Variants in GOLGA8A observed in about 807,000 individuals in gnomAD.
GOLGA8A encodes golgin A8 family member A, also known as golgin subfamily A member 8A.
GOLGA8A carries 3 observed loss-of-function variants against 22.1 expected under a neutral mutation model. The observed-to-expected ratio is 0.14, with a 90% CI of 0.06 to 0.35. The LOEUF (loss-of-function observed/expected upper bound fraction) is 0.35, where lower values mean the gene tolerates loss of function less well. Ranked by LOEUF, GOLGA8A falls within the 10% of genes least tolerant of loss-of-function variation. GOLGA8A has a pLI of 1.00. For missense variants in GOLGA8A, 16 were observed against 233.2 expected (o/e 0.07, Z 6.07); for synonymous variants, 7 against 91.7 (o/e 0.08, Z 5.28).
chr15:34,433,090 A>G lies in GOLGA8A; in HGVS notation c.-1123+2293T>C, dbSNP rs373346002. ...GCCAGGCTGGAACTGAGCTCCTGTTACTCCAAATCCCATCCTCTTTTCTGA... is the reference window on the plus strand; with the variant it reads ...GCCAGGCTGGAACTGAGCTCCTGTTGCTCCAAATCCCATCCTCTTTTCTGA... On this transcript the variant is annotated intron_variant, in intron 2 of 24. Transcript: ENST00000359187. 1.3e-4 allele frequency among the ~76,000 whole-genome samples: 20 copies of G among 148,810 alleles called. 1 individual carries two copies. Among genetic ancestry groups the G allele is most frequent in the South Asian group, 1.3e-3 (6 of 4,622 alleles).
intron 2 of GOLGA8A, among the ~76,000 whole-genome samples, chr15:34,426,728 G>A (rs201947054): frequency 1.4e-5 from 2 of 143,868 alleles, no homozygotes; most frequent in East Asian, 4.3e-4. Flanking sequence ...AGATAATTGC[G>A]AGAAGGCAAA....
chr15:34,380,163 G>A lies in GOLGA8A; in HGVS notation c.*1248C>T, dbSNP rs1486798043. The A allele has an allele frequency of 1.3e-5, 2 of 152,366 alleles. No individual in the cohort carries two copies. The highest frequency in any genetic ancestry group is 2.9e-5 in the Non-Finnish European group (2 of 68,024). 9.4% of individuals were successfully genotyped at this position (152,366 alleles called of 1,614,324 possible). On this transcript the variant is annotated 3_prime_UTR_variant, in exon 25 of 25. Transcript: ENST00000359187. ...ATAATGTTTGTTATTACTTTCTAAA[G>A]TGTTTTCCACTCAAGGAAAAGAAGT...
intron 2 of GOLGA8A, among the ~76,000 whole-genome samples, chr15:34,432,413 C>G (rs1893298446): frequency 6.7e-6 from 1 of 148,984 alleles, no homozygotes; most frequent in African/African-American, 2.5e-5. Flanking sequence ...CTCTCCAGCT[C>G]AGACTCAAAG....
intron 2 of GOLGA8A, chr15:34,417,813 A>G (rs1892634715): frequency 1.4e-5 from 2 of 147,412 alleles, no homozygotes; most frequent in South Asian, 4.7e-4. Context: ...GTAATTTTCA[A>G]CTGAAGGAGA....
chr15:34,429,791 T>C (rs79330991), intron 2 of GOLGA8A, among the ~76,000 whole-genome samples: 10 of 147,382 alleles, frequency 6.8e-5, no homozygotes, highest in Admixed American at 2.8e-4. Flanking sequence ...GGGTACCTGC[T>C]CCCGGTTGTA....
intron 2 of GOLGA8A, among the ~76,000 whole-genome samples, chr15:34,431,345 A>ATATCTC (rs1893242853): frequency 7.7e-6 from 1 of 130,486 alleles, no homozygotes; most frequent in African/African-American, 3.1e-5. Context: ...ATATATATAT[A>ATATCTC]TCTCACACAC....
Position 34,379,375 on chromosome 15 carries a change from CTCTT to C in GOLGA8A, c.*2032_*2035del, listed in dbSNP as rs1350412583. The C allele has an allele frequency of 1.4e-4, 21 of 152,538 alleles. No individual in the cohort carries two copies. The highest frequency in any genetic ancestry group is 4.6e-4 in the African/African-American group (19 of 41,538). 9.4% of individuals were successfully genotyped at this position (152,538 alleles called of 1,614,324 possible). A position where few individuals can be genotyped will look rare whatever the true frequency, so the allele number is the denominator to read the frequency against. On this transcript the variant is annotated 3_prime_UTR_variant, in exon 25 of 25. Transcript: ENST00000359187. ...TAATATTTATATTATTTTAAAATGA[CTCTT>C]TAAGATACAGTTTTAAACCCATGGG...
rs187840524 is a variant in GOLGA8A at position 34,381,188 on chromosome 15, A to G, written c.*223T>C. ...ATGACCTACAATTATGAAATGAAAAAAGAAAAATGCTGAAGGATGCCAGAG... is the reference window on the plus strand; with the variant it reads ...ATGACCTACAATTATGAAATGAAAAGAGAAAAATGCTGAAGGATGCCAGAG... On this transcript the variant is annotated 3_prime_UTR_variant, in exon 25 of 25. Coordinates refer to ENST00000359187, the MANE Select transcript of GOLGA8A (RefSeq NM_181077.5). The G allele has an allele frequency of 1.5e-4, 115 of 785,472 alleles. 1 individual carries two copies. In the East Asian group the frequency reaches 3.0e-3, roughly 21 times the overall value. The allele number at this position is 785,472 out of a possible 1,614,324, so 48.7% of individuals were successfully genotyped here. A position where few individuals can be genotyped will look rare whatever the true frequency, so the allele number is the denominator to read the frequency against.
intron 2 of GOLGA8A, among the ~76,000 whole-genome samples, chr15:34,427,712 G>A (rs1893045526): frequency 6.7e-6 from 1 of 148,308 alleles, no homozygotes; most frequent in South Asian, 2.2e-4. Context: ...ACTGGGGGAG[G>A]GCTTGGTTTC....
rs1199173124 is a variant in GOLGA8A, at chr15:34,381,577, G to A, written c.1646C>T (p.Pro549Leu). Residue 549 changes from proline to leucine, a missense_variant, in exon 25 of 25, where the codon CCT (proline) becomes CTT (leucine). Pro to Leu is a moderately conservative substitution (Grantham distance 98, BLOSUM62 -3). Transcript: ENST00000359187. Reference protein sequence around the residue: ...CEASLTNSVEPAQGEAREGSS... With the variant: ...CEASLTNSVELAQGEAREGSS... ...ACCCTCCCTGGCTTCTCCTTGTGCAGGCTCCACGCTGTTGGTGAGGCTCGC... is the reference window on the plus strand; with the variant it reads ...ACCCTCCCTGGCTTCTCCTTGTGCAAGCTCCACGCTGTTGGTGAGGCTCGC... 3.8e-6 allele frequency: 6 copies of A among 1,592,376 alleles called. No homozygotes were observed. The highest frequency in any genetic ancestry group is 4.5e-5 in the East Asian group (2 of 43,960).
rs927802407 is a variant in GOLGA8A, at chr15:34,427,408, T to A, written c.-1123+7975A>T. On this transcript the variant is annotated intron_variant, in intron 2 of 24. Coordinates refer to ENST00000359187, the MANE Select transcript of GOLGA8A (RefSeq NM_181077.5). ...CACACATAGAAAATAATCGAGTCCG[T>A]TTTTTCTGAAAACTTGCTTTAAAGT... is the stretch of plus-strand genomic sequence containing the variant. 5.8e-3 allele frequency among the ~76,000 whole-genome samples: 860 copies of A among 147,318 alleles called. 61 individuals carry two copies. The highest frequency in any genetic ancestry group is 1.0e-3 in the Non-Finnish European group (69 of 66,560).
chr15:34,424,037 G>C (rs1165600506), intron 2 of GOLGA8A, among the ~76,000 whole-genome samples: 1 of 147,866 alleles, frequency 6.8e-6, no homozygotes. Flanking sequence ...CCTGCCTGAG[G>C]CCAAGCAGCA....
intron 2 of GOLGA8A, among the ~76,000 whole-genome samples, chr15:34,421,218 G>A (rs1566910645): frequency 1.4e-5 from 2 of 143,680 alleles, no homozygotes; most frequent in Non-Finnish European, 3.1e-5. Flanking sequence ...GGCCACCACG[G>A]GGGCAGAGAC....
At position 34,432,996 on chromosome 15, in the gene GOLGA8A, G is replaced by A. The variant is rs1428029946; in HGVS notation, c.-1123+2387C>T. 3.5e-4 allele frequency among the ~76,000 whole-genome samples: 52 copies of A among 149,082 alleles called. 1 individual carries two copies. The East Asian group carries it at 8.4e-3, about 24-fold the overall frequency. Reference sequence around the variant, plus strand: ...ACCACAGGCAAGAGGCCTCACGCGGGTATTGCAGATGCTGAGAAAGACTCT... The same window carrying A: ...ACCACAGGCAAGAGGCCTCACGCGGATATTGCAGATGCTGAGAAAGACTCT... On this transcript the variant is annotated intron_variant, in intron 2 of 24. Coordinates refer to ENST00000359187, the MANE Select transcript of GOLGA8A (RefSeq NM_181077.5).
intron 14 of GOLGA8A, 32 bp from the exon 15 acceptor site, chr15:34,385,370 TAGAA>T: frequency 9.3e-6 from 5 of 538,546 alleles, no homozygotes; most frequent in Admixed American, 3.5e-5. Flanking sequence ...AGTGCTGAAA[TAGAA>T]GGAAAGAAAC....
chr15:34,385,939 G>C (rs1891691486), intron 12 of GOLGA8A, among the ~76,000 whole-genome samples, 161 bp from the exon 13 acceptor site: 2 of 132,282 alleles, frequency 1.5e-5, no homozygotes, highest in Middle Eastern at 7.0e-3. Context: ...CAGAGGATTT[G>C]GGTCTTTGTT....
At chr15:34,435,511 A>G (rs1893463263) in intron 1 of GOLGA8A, 40 bp from the exon 2 acceptor site, 1 of 149,132 alleles carries the variant, frequency 6.7e-6, no homozygotes, top group African/African-American at 2.5e-5. Context: ...GAGTTACTTA[A>G]GAAGGTTATG....
rs1328129106 is a variant in GOLGA8A, at chr15:34,422,704, C to T, written c.-1123+12679G>A. On this transcript the variant is annotated intron_variant, in intron 2 of 24. Coordinates refer to ENST00000359187, the MANE Select transcript of GOLGA8A (RefSeq NM_181077.5). ...ACTTGGCCTTGTGTACGCTCGCGCT[C>T]GTGCGCTTGTGCGCTCTCTCTCGCT... Among the ~76,000 whole-genome samples the T allele has an allele frequency of 2.9e-4, 26 of 89,094 alleles. 5 individuals are homozygous for T. The highest frequency in any genetic ancestry group is 6.2e-3 in the Middle Eastern group (1 of 162). 58.4% of individuals were successfully genotyped at this position (89,094 alleles called of 152,430 possible).
At chr15:34,420,223 T>G (rs1892742263) in intron 2 of GOLGA8A, 1 of 146,238 alleles carries the variant, frequency 6.8e-6, no homozygotes, top group Admixed American at 7.0e-5. Flanking sequence ...GAAGTTTTCC[T>G]CCATCGGGTA....
Sources: allele counts gnomAD v4.1 joint callset (sites outside exome capture counted in the v4.1 genomes callset), GRCh38; gene constraint gnomAD v4.1.1; transcripts MANE v1.5; gene names NCBI Gene and HGNC (gene_info 2026-07-23, HGNC 2026-07-21).